The following CADM2 variants were observed in gnomAD, a reference collection of about 807,000 sequenced individuals.
The protein encoded by CADM2 is immunoglobulin superfamily member 4D.
In CADM2, 12 loss-of-function variants were observed where a neutral mutation model predicts 49.8. The ratio of observed to expected loss-of-function variants is 0.24; its 90% CI spans 0.15 to 0.39. The LOEUF is 0.39. CADM2 is among the 10% of genes least tolerant of loss of function. CADM2 has a pLI of 1.00. For missense variants in CADM2, 378 were observed against 492.3 expected, an observed-to-expected ratio of 0.77 and a Z score of 2.20; for synonymous variants, 214 against 175.4, an observed-to-expected ratio of 1.22 and a Z score of -1.74.
At chr3:85,916,023 A>G (rs1391907745) in intron 6 of CADM2, among the ~76,000 whole-genome samples, 1 of 152,190 alleles carries the variant, frequency 6.6e-6, no homozygotes, top group African/African-American at 2.4e-5. Context: ...AGGAGGACTT[A>G]TATTTCTAGG....
chr3:85,484,644 C>G (rs1355603923), intron 1 of CADM2, among the ~76,000 whole-genome samples: 1 of 151,900 alleles, frequency 6.6e-6, no homozygotes, highest in Non-Finnish European at 1.5e-5. Context: ...CACAGCAAAG[C>G]CTTTAAAACC....
chr3:85,437,898 G>A (rs2037007042), intron 1 of CADM2, among the ~76,000 whole-genome samples: 1 of 151,540 alleles, frequency 6.6e-6, no homozygotes, highest in Non-Finnish European at 1.5e-5. Flanking sequence ...ATTATTTTCT[G>A]ATTATAAAAA....
intron 2 of CADM2, among the ~76,000 whole-genome samples, chr3:85,734,760 A>G (rs757025242): frequency 2.8e-4 from 42 of 148,396 alleles, no homozygotes; most frequent in Non-Finnish European, 4.5e-4. Flanking sequence ...ATATGTATAT[A>G]TACATATACA....
chr3:85,617,133 T>C (rs1159595593), intron 1 of CADM2, among the ~76,000 whole-genome samples: 1 of 152,080 alleles, frequency 6.6e-6, no homozygotes, highest in Non-Finnish European at 1.5e-5. Flanking sequence ...CCTCACTATC[T>C]ACCTGAAGAT....
chr3:85,673,078 A>G (rs1442666484), intron 1 of CADM2, among the ~76,000 whole-genome samples: 1 of 152,206 alleles, frequency 6.6e-6, no homozygotes, highest in Non-Finnish European at 1.5e-5. Context: ...ACTATAAAGA[A>G]TGTCAGGTAA....
chr3:85,166,911 C>G (rs1489115072), intron 1 of CADM2, among the ~76,000 whole-genome samples: 15 of 151,710 alleles, frequency 9.9e-5, no homozygotes. Context: ...AATTAAAATA[C>G]ATTTATGTAT....
At chr3:85,929,033 A>C (rs1481081729) in intron 6 of CADM2, among the ~76,000 whole-genome samples, 1 of 152,174 alleles carries the variant, frequency 6.6e-6, no homozygotes, top group Admixed American at 6.5e-5. Flanking sequence ...TTTCACATAC[A>C]GGACAAAACT....
intron 1 of CADM2, among the ~76,000 whole-genome samples, chr3:85,546,223 A>T (rs2061667854): frequency 6.6e-6 from 1 of 152,224 alleles, no homozygotes; most frequent in Non-Finnish European, 1.5e-5. Context: ...AATCTTGGAT[A>T]GTCCTGTTGT....
intron 1 of CADM2, among the ~76,000 whole-genome samples, chr3:85,032,287 G>C (rs891478254): frequency 6.6e-6 from 1 of 151,550 alleles, no homozygotes; most frequent in African/African-American, 2.4e-5. Context: ...AGATAACATT[G>C]GCATGAAAGA....
intron 1 of CADM2, among the ~76,000 whole-genome samples, chr3:85,051,529 C>T (rs1048136240): frequency 2.6e-5 from 4 of 152,140 alleles, no homozygotes; most frequent in South Asian, 2.1e-4. Context: ...ATTGTAGGGA[C>T]GGGGGGAGCT....
chr3:86,038,335 T>C (rs1287225252), intron 8 of CADM2, among the ~76,000 whole-genome samples: 1 of 152,186 alleles, frequency 6.6e-6, no homozygotes, highest in African/African-American at 2.4e-5. Context: ...TTAGAAGTTA[T>C]TGGAGAGAAT....
At chr3:85,785,050 C>T (rs919572366) in intron 2 of CADM2, among the ~76,000 whole-genome samples, 7 of 152,074 alleles carry the variant, frequency 4.6e-5, no homozygotes, top group South Asian at 4.2e-4. Context: ...ATTTCTTCTG[C>T]GTTTTCCAAT....
chr3:85,413,599 G>A (rs879383449), intron 1 of CADM2, among the ~76,000 whole-genome samples: 1 of 152,130 alleles, frequency 6.6e-6, no homozygotes, highest in Non-Finnish European at 1.5e-5. Flanking sequence ...ACGTCTACAA[G>A]GGCTGAGAAC....
intron 1 of CADM2, among the ~76,000 whole-genome samples, chr3:85,082,138 T>C (rs183917380): frequency 6.6e-6 from 1 of 152,172 alleles, no homozygotes; most frequent in Non-Finnish European, 1.5e-5. Context: ...CACAAGCGTC[T>C]CTTCTGTCAT....
chr3:85,746,940 G>A (rs529535640), intron 2 of CADM2, among the ~76,000 whole-genome samples: 16 of 152,140 alleles, frequency 1.1e-4, no homozygotes, highest in African/African-American at 3.6e-4. Flanking sequence ...GAAAGAGTTC[G>A]TTTTCCTCTA....
intron 1 of CADM2, among the ~76,000 whole-genome samples, chr3:85,146,907 A>G (rs527300007): frequency 1.8e-4 from 28 of 152,282 alleles, no homozygotes; most frequent in African/African-American, 6.0e-4. Flanking sequence ...GACATTTGAA[A>G]AGGAAGGGAT....
intron 1 of CADM2, among the ~76,000 whole-genome samples, chr3:84,963,298 A>G (rs2030710646): frequency 6.6e-6 from 1 of 152,202 alleles, no homozygotes; most frequent in Non-Finnish European, 1.5e-5. Context: ...TTGGCTATAC[A>G]GTAGATCCAG....
intron 1 of CADM2, among the ~76,000 whole-genome samples, chr3:85,704,214 A>T (rs1269517062): frequency 6.6e-6 from 1 of 152,194 alleles, no homozygotes; most frequent in Non-Finnish European, 1.5e-5. Context: ...CAACTTCTGT[A>T]TGTTATGGGT....
At chr3:86,008,028 A>T (rs1054662673) in intron 8 of CADM2, among the ~76,000 whole-genome samples, 1 of 152,194 alleles carries the variant, frequency 6.6e-6, no homozygotes, top group Non-Finnish European at 1.5e-5. Flanking sequence ...TAACCAGTTC[A>T]TAATTTGGGA....
Sources: allele counts gnomAD v4.1 joint callset (sites outside exome capture counted in the v4.1 genomes callset), GRCh38; gene constraint gnomAD v4.1.1; transcripts MANE v1.5; gene names NCBI Gene and HGNC (gene_info 2026-07-23, HGNC 2026-07-21).